The following CDYL2 variants were observed in gnomAD, a reference collection of about 807,000 sequenced individuals.
CDYL2 encodes chromodomain Y like 2.
Under a neutral mutation model 49.4 loss-of-function variants are expected in CDYL2, and 23 were observed. The ratio of observed to expected loss-of-function variants is 0.47; its 90% CI spans 0.34 to 0.66. CDYL2 has a LOEUF of 0.66. Among genes scored for constraint, CDYL2 ranks in the 30% least tolerant of loss-of-function variants. The pLI is 0.01. For missense variants in CDYL2, 678 were observed against 656.4 expected (o/e 1.03, Z -0.36); for synonymous variants, 360 against 268.8 (o/e 1.34, Z -3.32).
At chr16:80,744,628 G>A (rs1438804169) in intron 1 of CDYL2, among the ~76,000 whole-genome samples, 1 of 152,194 alleles carries the variant, frequency 6.6e-6, no homozygotes, top group East Asian at 1.9e-4. Flanking sequence ...GCTCTAGGAG[G>A]TTAAGCAACT....
chr16:80,794,956 C>T (rs560283035), intron 1 of CDYL2, among the ~76,000 whole-genome samples: 2 of 152,224 alleles, frequency 1.3e-5, no homozygotes, highest in South Asian at 2.1e-4. Flanking sequence ...GCCCTAGTAC[C>T]ACCATAGTTC....
chr16:80,628,169 C>G (rs549419404), intron 3 of CDYL2: 2 of 152,250 alleles, frequency 1.3e-5, no homozygotes, highest in South Asian at 2.1e-4. Flanking sequence ...ATTCTTCTGA[C>G]AAACTCCCTT....
intron 1 of CDYL2, among the ~76,000 whole-genome samples, chr16:80,711,900 C>T (rs72807926): frequency 0.26 from 39,720 of 151,384 alleles, 6,555 homozygotes; most frequent in Middle Eastern, 0.48. Flanking sequence ...TCAACGGGAC[C>T]CTGAATTATC....
chr16:80,762,678 T>C (rs1249391546), intron 1 of CDYL2, among the ~76,000 whole-genome samples: 1 of 152,222 alleles, frequency 6.6e-6, no homozygotes, highest in Non-Finnish European at 1.5e-5. Context: ...CTTTTGGAGC[T>C]TGTCCAGTCT....
At chr16:80,759,124 A>ATATATATATATATATATATATATGGTT (rs1567597509) in intron 1 of CDYL2, among the ~76,000 whole-genome samples, 1 of 133,220 alleles carries the variant, frequency 7.5e-6, no homozygotes, top group African/African-American at 2.9e-5. Flanking sequence ...ATATATATAT[A>ATATATATATATATATATATATATGGTT]TATATATATA....
chr16:80,600,984 A>G lies in CDYL2; in HGVS notation c.*3404T>C, dbSNP rs968127991. 6 of 152,236 alleles carry G rather than the reference A, an allele frequency of 3.9e-5. No individual in the cohort carries two copies. The highest frequency in any genetic ancestry group is 3.3e-4 in the Admixed American group (5 of 15,284). The allele number at this position is 152,236 out of a possible 1,614,324, so 9.4% of individuals were successfully genotyped here. A position where few individuals can be genotyped will look rare whatever the true frequency, so the allele number is the denominator to read the frequency against. ...TCATGCTTCAGAGAGAACATTTCCTAGTTTAATCTATACCAAACAAGAATG... is the reference window on the plus strand; with the variant it reads ...TCATGCTTCAGAGAGAACATTTCCTGGTTTAATCTATACCAAACAAGAATG... On this transcript the variant is annotated 3_prime_UTR_variant, in exon 7 of 7. Coordinates refer to ENST00000570137, the MANE Select transcript of CDYL2 (RefSeq NM_152342.4).
chr16:80,784,023 G>T lies in CDYL2; in HGVS notation c.24+20127C>A, dbSNP rs1392502700. Among the ~76,000 whole-genome samples the T allele has an allele frequency of 2.0e-5, 3 of 152,214 alleles. No individual in the cohort carries two copies. In the East Asian group the frequency reaches 5.8e-4, roughly 29 times the overall value. Reference sequence around the variant, plus strand: ...TGCCATTGAAATGTACATTTGAAATGATTAAAATGGAAAATACTATGTTAT... The same window carrying T: ...TGCCATTGAAATGTACATTTGAAATTATTAAAATGGAAAATACTATGTTAT... On this transcript the variant is annotated intron_variant, in intron 1 of 6. Transcript: ENST00000570137.
rs2142345888 is a variant in CDYL2, at chr16:80,598,378, C to T, written c.*6010G>A. 2 of 151,968 alleles carry T rather than the reference C, an allele frequency of 1.3e-5. No homozygotes were observed. Among genetic ancestry groups the T allele is most frequent in the South Asian group, 4.2e-4 (2 of 4,796 alleles). The allele number at this position is 151,968 out of a possible 1,614,324, so 9.4% of individuals were successfully genotyped here. A position where few individuals can be genotyped will look rare whatever the true frequency, so the allele number is the denominator to read the frequency against. On this transcript the variant is annotated 3_prime_UTR_variant, in exon 7 of 7. Coordinates refer to ENST00000570137, the MANE Select transcript of CDYL2 (RefSeq NM_152342.4). ...ATCGGAAGTTTGGTAATAAGCCTTA[C>T]CAATAGAATACCACTTCTTCAGCAT...
intron 2 of CDYL2, among the ~76,000 whole-genome samples, chr16:80,638,124 G>A (rs578000160): frequency 6.6e-6 from 1 of 152,138 alleles, no homozygotes; most frequent in East Asian, 1.9e-4. Context: ...ACCCAGGCTG[G>A]AGTACAGTGC....
chr16:80,659,095 GGATGGACA>G (rs993483186), intron 2 of CDYL2, among the ~76,000 whole-genome samples: 18 of 126,252 alleles, frequency 1.4e-4, no homozygotes, highest in Admixed American at 1.2e-3. Context: ...ATGGATGGAT[GGATGGACA>G]GACGGATGGA....
intron 1 of CDYL2, among the ~76,000 whole-genome samples, chr16:80,777,363 AATG>A (rs1907121998): frequency 6.6e-6 from 1 of 152,126 alleles, no homozygotes; most frequent in African/African-American, 2.4e-5. Context: ...TGAAGGAATG[AATG>A]ATAAGTCAGA....
intron 2 of CDYL2, among the ~76,000 whole-genome samples, chr16:80,648,898 A>G (rs943414459): frequency 6.6e-6 from 1 of 152,196 alleles, no homozygotes; most frequent in Non-Finnish European, 1.5e-5. Context: ...CAAAAACCAT[A>G]TGATTATTTC....
intron 4 of CDYL2, among the ~76,000 whole-genome samples, chr16:80,618,507 G>A (rs916626342): frequency 6.6e-6 from 1 of 152,154 alleles, no homozygotes; most frequent in African/African-American, 2.4e-5. Context: ...CAGAGAGACT[G>A]GGCGTGCAAA....
intron 1 of CDYL2, among the ~76,000 whole-genome samples, chr16:80,785,373 AAG>A (rs1907400978): frequency 6.6e-6 from 1 of 152,168 alleles, no homozygotes. Flanking sequence ...AATTGCTACT[AAG>A]AGAATAAAAT....
intron 1 of CDYL2, among the ~76,000 whole-genome samples, chr16:80,726,032 G>C (rs999982586): frequency 2.0e-5 from 3 of 152,114 alleles, no homozygotes; most frequent in Non-Finnish European, 2.9e-5. Flanking sequence ...GTATGTCTGA[G>C]TCACAAAAAG....
At chr16:80,776,674 C>A (rs956809080) in intron 1 of CDYL2, among the ~76,000 whole-genome samples, 33 of 150,750 alleles carry the variant, frequency 2.2e-4, no homozygotes, top group African/African-American at 7.8e-4. Context: ...ATGATATTAA[C>A]ATGGATAAAT....
intron 1 of CDYL2, among the ~76,000 whole-genome samples, chr16:80,758,392 G>A (rs1042164709): frequency 3.9e-5 from 6 of 152,202 alleles, no homozygotes; most frequent in Non-Finnish European, 8.8e-5. Flanking sequence ...ACATCTTGAG[G>A]TGGTTTTGCA....
intron 4 of CDYL2, among the ~76,000 whole-genome samples, chr16:80,614,266 T>C (rs1321457825): frequency 1.3e-5 from 2 of 152,238 alleles, no homozygotes; most frequent in African/African-American, 4.8e-5. Flanking sequence ...CGTCTCCGAC[T>C]GCATGTGGCT....
At chr16:80,758,693 C>A (rs1422199837) in intron 1 of CDYL2, among the ~76,000 whole-genome samples, 1 of 151,922 alleles carries the variant, frequency 6.6e-6, no homozygotes, top group Non-Finnish European at 1.5e-5. Flanking sequence ...CAGGCACCCG[C>A]CACCACACCC....
Sources: gnomAD v4.1 joint callset for allele counts (sites outside exome capture counted in the v4.1 genomes callset) on GRCh38, gnomAD v4.1.1 for gene constraint, MANE v1.5 for transcripts, NCBI Gene and HGNC (gene_info 2026-07-23, HGNC 2026-07-21) for gene names.